TOX3: variants seen among roughly 807,000 people sequenced by gnomAD.
TOX3 encodes CAG trinucleotide repeat-containing gene F9 protein.
Under a neutral mutation model 64.3 loss-of-function variants are expected in TOX3, and 22 were observed. That is an observed-to-expected ratio of 0.34 (90% confidence interval 0.24 to 0.49). The LOEUF is 0.49. Ranked by LOEUF, TOX3 falls within the 20% of genes least tolerant of loss-of-function variation. The probability of loss-of-function intolerance (pLI) is 0.99; values close to 1 mark genes in which losing one functional copy is unlikely to be tolerated. For synonymous variants in TOX3, 291 were observed against 273.6 expected, an observed-to-expected ratio of 1.06 and a Z score of -0.63; for missense variants, 661 against 714.4, an observed-to-expected ratio of 0.93 and a Z score of 0.85.
At chr16:52,480,490 T>C (rs1162827718) in intron 1 of TOX3, among the ~76,000 whole-genome samples, 1 of 152,168 alleles carries the variant, frequency 6.6e-6, no homozygotes, top group Non-Finnish European at 1.5e-5. Flanking sequence ...GTAAGTCTCC[T>C]GGGCATCACT....
At chr16:52,485,286 G>C (rs1961499773) in intron 1 of TOX3, among the ~76,000 whole-genome samples, 1 of 135,236 alleles carries the variant, frequency 7.4e-6, no homozygotes, top group South Asian at 2.2e-4. Context: ...ATCTCCCATG[G>C]AATACTATGG....
chr16:52,517,497 CAAGG>C lies in TOX3; in HGVS notation c.87+29136_87+29139del, dbSNP rs550242534. Among the ~76,000 whole-genome samples, 325 of 151,982 alleles carry C rather than the reference CAAGG, an allele frequency of 2.1e-3. 1 individual carries two copies. Among genetic ancestry groups the C allele is most frequent in the African/African-American group, 7.4e-3 (305 of 41,444 alleles). On this transcript the variant is annotated intron_variant, in intron 1 of 6. Transcript: ENST00000219746. The stretch of plus-strand genomic sequence containing the variant: ...TCTTGGTGGTGCCCCAGCCCACCCT[CAAGG>C]GTGTCTATAAGTAGGAGAAGAGAAA...
At chr16:52,524,280 T>C (rs967586746) in intron 1 of TOX3, among the ~76,000 whole-genome samples, 1 of 152,188 alleles carries the variant, frequency 6.6e-6, no homozygotes, top group Non-Finnish European at 1.5e-5. Context: ...CTGAATCCAA[T>C]AGGGCCTAAA....
intron 1 of TOX3, among the ~76,000 whole-genome samples, chr16:52,497,186 C>A (rs1961871703): frequency 6.6e-6 from 1 of 152,218 alleles, no homozygotes; most frequent in African/African-American, 2.4e-5. Context: ...GGGATCCTCA[C>A]AAACACCAGC....
chr16:52,544,262 C>G lies in TOX3; in HGVS notation c.87+2375G>C, dbSNP rs190984138. 1.3e-3 allele frequency among the ~76,000 whole-genome samples: 196 copies of G among 152,264 alleles called. 1 individual carries two copies. Among genetic ancestry groups the G allele is most frequent in the South Asian group, 8.3e-4 (4 of 4,812 alleles). On this transcript the variant is annotated intron_variant, in intron 1 of 6. Coordinates refer to ENST00000219746, the MANE Select transcript of TOX3 (RefSeq NM_001080430.4). ...TCAGACACACAAATTAGCTGTGAAACAAAATGCTATAAACCTTTAATTAGC... is the reference window on the plus strand; with the variant it reads ...TCAGACACACAAATTAGCTGTGAAAGAAAATGCTATAAACCTTTAATTAGC...
intron 1 of TOX3, among the ~76,000 whole-genome samples, chr16:52,469,210 C>T (rs916919377): frequency 7.9e-5 from 12 of 152,146 alleles, no homozygotes; most frequent in African/African-American, 2.2e-4. Context: ...TAAAAATAAG[C>T]GGGATCTCAT....
intron 1 of TOX3, among the ~76,000 whole-genome samples, chr16:52,528,878 G>A (rs1962784710): frequency 6.6e-6 from 1 of 152,136 alleles, no homozygotes; most frequent in Non-Finnish European, 1.5e-5. Context: ...CAGGCACTAG[G>A]CACCGGGCAG....
intron 1 of TOX3, among the ~76,000 whole-genome samples, chr16:52,535,689 A>C (rs1488772373): frequency 6.6e-6 from 1 of 152,162 alleles, no homozygotes; most frequent in African/African-American, 2.4e-5. Flanking sequence ...GGGGCCTCCT[A>C]TTCCTTGACC....
At chr16:52,458,761 T>C (rs929117235) in intron 3 of TOX3, among the ~76,000 whole-genome samples, 1 of 152,242 alleles carries the variant, frequency 6.6e-6, no homozygotes, top group African/African-American at 2.4e-5. Context: ...AGGCCAAGAA[T>C]AAAGAATATT....
intron 1 of TOX3, among the ~76,000 whole-genome samples, chr16:52,533,041 G>A (rs1389840629): frequency 1.3e-5 from 2 of 152,342 alleles, no homozygotes; most frequent in African/African-American, 4.8e-5. Context: ...ACAAGGAATA[G>A]AAGTGGTCTA....
Position 52,444,962 on chromosome 16 carries a change from G to A in TOX3, c.907-606C>T, listed in dbSNP as rs1405054943. ...ACTGAGTTACATAAATAAAATTCCAGCATATTAAACATGATTTGGGCTTCT... is the reference window on the plus strand; with the variant it reads ...ACTGAGTTACATAAATAAAATTCCAACATATTAAACATGATTTGGGCTTCT... On this transcript the variant is annotated intron_variant, in intron 5 of 6. Coordinates refer to ENST00000219746, the MANE Select transcript of TOX3 (RefSeq NM_001080430.4). 3.9e-5 allele frequency: 6 copies of A among 152,298 alleles called. No individual in the cohort carries two copies. The East Asian group carries it at 1.2e-3, about 29-fold the overall frequency. The allele number at this position is 152,298 out of a possible 1,614,324, so 9.4% of individuals were successfully genotyped here.
chr16:52,510,389 G>T lies in TOX3; in HGVS notation c.87+36248C>A, dbSNP rs181373105. On this transcript the variant is annotated intron_variant, in intron 1 of 6. Transcript: ENST00000219746. Reference sequence around the variant, plus strand: ...AAATAGATACTAAAAATTTACATTAGAACAAAATAAAAATGGATTTAGTAA... The same window carrying T: ...AAATAGATACTAAAAATTTACATTATAACAAAATAAAAATGGATTTAGTAA... Among the ~76,000 whole-genome samples the T allele has an allele frequency of 8.5e-5, 13 of 152,258 alleles. 1 individual carries two copies. The East Asian group carries it at 2.5e-3, about 29-fold the overall frequency.
intron 1 of TOX3, among the ~76,000 whole-genome samples, chr16:52,542,002 C>A (rs1254553941): frequency 6.6e-6 from 1 of 152,146 alleles, no homozygotes; most frequent in Non-Finnish European, 1.5e-5. Flanking sequence ...TAAATATTTA[C>A]AAAATGTAAA....
In TOX3 at chr16:52,439,055, T is replaced by G. The variant is rs1039784817; in HGVS notation, c.*170A>C. On this transcript the variant is annotated 3_prime_UTR_variant, in exon 7 of 7. Transcript: ENST00000219746. Reference sequence around the variant, plus strand: ...TTTATAGTCAGCTAAAAGATGTTACTCAGCTACACTGCAGTTCTTATTGCC... The same window carrying G: ...TTTATAGTCAGCTAAAAGATGTTACGCAGCTACACTGCAGTTCTTATTGCC... 2.4e-5 allele frequency: 22 copies of G among 926,356 alleles called. No homozygotes were observed. The highest frequency in any genetic ancestry group is 6.8e-6 in the Non-Finnish European group (4 of 588,408). 57.4% of individuals were successfully genotyped at this position (926,356 alleles called of 1,614,324 possible). A position where few individuals can be genotyped will look rare whatever the true frequency, so the allele number is the denominator to read the frequency against.
intron 2 of TOX3, among the ~76,000 whole-genome samples, chr16:52,465,133 G>A (rs1029640092): frequency 6.8e-6 from 1 of 146,330 alleles, no homozygotes. Flanking sequence ...TCCTGCCTCA[G>A]CCTCTCGAGT....
At chr16:52,498,635 T>C (rs1567336594) in intron 1 of TOX3, among the ~76,000 whole-genome samples, 1 of 152,142 alleles carries the variant, frequency 6.6e-6, no homozygotes, top group Non-Finnish European at 1.5e-5. Context: ...AAATGTGCCC[T>C]TCAAGTTTTA....
Position 52,438,645 on chromosome 16 carries a change from T to C in TOX3, c.*580A>G, listed in dbSNP as rs772312799. 4.9e-5 allele frequency: 9 copies of C among 183,196 alleles called. No homozygotes were observed. Among genetic ancestry groups the C allele is most frequent in the Middle Eastern group, 2.5e-3 (1 of 406 alleles). 11.3% of individuals were successfully genotyped at this position (183,196 alleles called of 1,614,324 possible). A position where few individuals can be genotyped will look rare whatever the true frequency, so the allele number is the denominator to read the frequency against. On this transcript the variant is annotated 3_prime_UTR_variant, in exon 7 of 7. Coordinates refer to ENST00000219746, the MANE Select transcript of TOX3 (RefSeq NM_001080430.4). The stretch of plus-strand genomic sequence containing the variant: ...AATAATTGAATTTAGTCACTTGCAT[T>C]TTTTTTCTGGAGAGATTTAGGAAAA...
chr16:52,508,691 A>G (rs924621799), intron 1 of TOX3, among the ~76,000 whole-genome samples: 6 of 152,186 alleles, frequency 3.9e-5, no homozygotes, highest in African/African-American at 4.8e-5. Context: ...GAAAGTGACT[A>G]TCTCTGGGGG....
At chr16:52,546,388 G>C (rs1351902076) in intron 1 of TOX3, among the ~76,000 whole-genome samples, 11 of 152,044 alleles carry the variant, frequency 7.2e-5, no homozygotes, top group Non-Finnish European at 1.6e-4. Context: ...CAGCAAAGGA[G>C]AGTCTGGCGG....
Sources: gnomAD v4.1 joint callset for allele counts (sites outside exome capture counted in the v4.1 genomes callset) on GRCh38, gnomAD v4.1.1 for gene constraint, MANE v1.5 for transcripts, NCBI Gene and HGNC (gene_info 2026-07-23, HGNC 2026-07-21) for gene names.